The following GSE1 variants were observed in gnomAD, a reference collection of about 807,000 sequenced individuals.
The protein encoded by GSE1 is genetic suppressor element 1.
GSE1 carries 32 observed loss-of-function variants against 112.6 expected under a neutral mutation model. The observed-to-expected ratio is 0.28, with a 90% CI of 0.21 to 0.38. The LOEUF (loss-of-function observed/expected upper bound fraction) is 0.38, where lower values mean the gene tolerates loss of function less well. Ranked by LOEUF, GSE1 falls within the 10% of genes least tolerant of loss-of-function variation. GSE1 has a pLI of 1.00. For missense variants in GSE1, 2,348 were observed against 1,699.2 expected (o/e 1.38, Z -6.71); for synonymous variants, 1,115 against 735.6 (o/e 1.52, Z -8.35).
chr16:85,554,230 G>T (rs1193873306), upstream of GSE1, among the ~76,000 whole-genome samples: 1 of 152,220 alleles, frequency 6.6e-6, no homozygotes, highest in Admixed American at 6.5e-5. Context: ...TGAGCGCACA[G>T]GATGTGGTTT....
chr16:85,495,002 GC>G (rs34088740), intron 2 of GSE1, among the ~76,000 whole-genome samples: 48,392 of 152,194 alleles, frequency 0.32, 8,803 homozygotes, highest in Non-Finnish European at 0.4. Context: ...CAGGGGCAGA[GC>G]CCTGCTGGGT....
intron 2 of GSE1, among the ~76,000 whole-genome samples, chr16:85,407,021 T>C (rs866819699): frequency 2.6e-4 from 1 of 3,844 alleles, no homozygotes; most frequent in Admixed American, 5.3e-3. Context: ...TAATCCTCAC[T>C]GTTACACTCA....
chr16:85,217,548 C>T (rs1238780758), intron 1 of GSE1, among the ~76,000 whole-genome samples: 1 of 152,234 alleles, frequency 6.6e-6, no homozygotes, highest in African/African-American at 2.4e-5. Flanking sequence ...CCCAAAGCCA[C>T]ATGGGGAGTG....
Position 85,663,006 on chromosome 16 carries a change from T to G in GSE1, c.2286T>G (p.Ser762=). The change falls in exon 10 of 16, where the codon TCT becomes TCG. Residue 762 remains serine, a synonymous_variant. Transcript: ENST00000253458. ...GGTACTACTACGACCTCGATGACTC[T>G]TACGACGAGAGCGATGAGGAGGAGG... ...EKGYYYDLDD[S]YDESDEEEVR... is the part of the protein sequence containing the mutation. The G allele has an allele frequency of 6.2e-7, 1 of 1,612,552 alleles. No homozygotes were observed. The highest frequency in any genetic ancestry group is 8.5e-7 in the Non-Finnish European group (1 of 1,179,038).
In GSE1 at chr16:85,216,522, A is replaced by C. The variant is rs144507671; in HGVS notation, c.2283+44715A>C. On this transcript the variant is annotated intron_variant, in intron 1 of 2. Coordinates refer to the GSE1 transcript ENST00000637419. ...TAATATTTTTTAAGTAGTCATAAGAAATAGAAAAACTTTAGCTTACCACAC... is the reference window on the plus strand; with the variant it reads ...TAATATTTTTTAAGTAGTCATAAGACATAGAAAAACTTTAGCTTACCACAC... Among the ~76,000 whole-genome samples the C allele has an allele frequency of 6.0e-4, 92 of 152,384 alleles. 1 individual carries two copies. In the East Asian group the frequency reaches 0.015, roughly 25 times the overall value.
intron 1 of GSE1, among the ~76,000 whole-genome samples, chr16:85,580,839 T>A (rs908302353): frequency 6.6e-6 from 1 of 152,246 alleles, no homozygotes; most frequent in Non-Finnish European, 1.5e-5. Context: ...GGCAGCCGTC[T>A]GCAATCCAAG....
chr16:85,591,657 A>G (rs892960759), intron 1 of GSE1, among the ~76,000 whole-genome samples: 3 of 152,246 alleles, frequency 2.0e-5, no homozygotes, highest in African/African-American at 7.2e-5. Context: ...GGCTGCAGGC[A>G]GACCAGCCAC....
chr16:85,501,244 C>T (rs2051356995), intron 2 of GSE1, among the ~76,000 whole-genome samples: 1 of 151,978 alleles, frequency 6.6e-6, no homozygotes, highest in Admixed American at 6.6e-5. Context: ...CCTCGTGATC[C>T]ACCTGCCTCG....
intron 2 of GSE1, among the ~76,000 whole-genome samples, chr16:85,440,335 A>G (rs1225099827): frequency 1.3e-5 from 2 of 152,244 alleles, no homozygotes; most frequent in Non-Finnish European, 2.9e-5. Flanking sequence ...GCCTGGATTG[A>G]GGCCTCAGGA....
intron 1 of GSE1, among the ~76,000 whole-genome samples, chr16:85,180,552 G>A (rs1045066453): frequency 1.3e-5 from 2 of 152,256 alleles, no homozygotes; most frequent in Admixed American, 6.5e-5. Context: ...TGTCCGAAGA[G>A]TTTTGCCTGC....
intron 1 of GSE1, among the ~76,000 whole-genome samples, chr16:85,604,034 G>C (rs919649378): frequency 6.6e-6 from 1 of 152,210 alleles, no homozygotes; most frequent in East Asian, 1.9e-4. Flanking sequence ...GCTCAGCTTC[G>C]GGGGAGGCCC....
chr16:85,423,602 G>A (rs1013947002), intron 2 of GSE1, among the ~76,000 whole-genome samples: 4 of 151,788 alleles, frequency 2.6e-5, no homozygotes, highest in Non-Finnish European at 5.9e-5. Flanking sequence ...GAGTTAGGGG[G>A]CTGTAGAAAA....
intron 2 of GSE1, among the ~76,000 whole-genome samples, chr16:85,408,964 T>C (rs112300333): frequency 0.65 from 844 of 1,290 alleles, 354 homozygotes; most frequent in African/African-American, 0.87. Context: ...TAATCCTCAC[T>C]GTTACACTCA....
chr16:85,495,773 C>T (rs2051155842), intron 2 of GSE1, among the ~76,000 whole-genome samples: 1 of 152,198 alleles, frequency 6.6e-6, no homozygotes, highest in Non-Finnish European at 1.5e-5. Context: ...GCTGGGATTA[C>T]AGGCATGAGC....
chr16:85,227,780 T>C (rs1041545088), intron 1 of GSE1, among the ~76,000 whole-genome samples: 2 of 152,082 alleles, frequency 1.3e-5, no homozygotes, highest in African/African-American at 4.8e-5. Flanking sequence ...GAGATGGAGA[T>C]TGATGGGTTG....
At chr16:85,354,401 C>T (rs1473033642) in intron 1 of GSE1, among the ~76,000 whole-genome samples, 2 of 152,248 alleles carry the variant, frequency 1.3e-5, no homozygotes, top group African/African-American at 4.8e-5. Flanking sequence ...TAGATCAGTG[C>T]CTGGCACATA....
intron 1 of GSE1, among the ~76,000 whole-genome samples, chr16:85,183,034 G>A (rs529374925): frequency 6.6e-6 from 1 of 152,224 alleles, no homozygotes; most frequent in South Asian, 2.1e-4. Flanking sequence ...ATTCATACAT[G>A]CATCACTCCC....
At chr16:85,624,806 A>T (rs1184477663) in intron 1 of GSE1, among the ~76,000 whole-genome samples, 2 of 152,170 alleles carry the variant, frequency 1.3e-5, no homozygotes, top group African/African-American at 4.8e-5. Context: ...GGAGAATGTG[A>T]CAAGGGACCC....
chr16:85,294,206 C>T (rs758338984), intron 1 of GSE1, among the ~76,000 whole-genome samples: 40 of 152,186 alleles, frequency 2.6e-4, no homozygotes, highest in African/African-American at 9.4e-4. Context: ...CACCCCAGAG[C>T]AGCCCACTCT....
Sources: gnomAD v4.1 joint callset for allele counts (sites outside exome capture counted in the v4.1 genomes callset) on GRCh38, gnomAD v4.1.1 for gene constraint, MANE v1.5 for transcripts, NCBI Gene and HGNC (gene_info 2026-07-23, HGNC 2026-07-21) for gene names.